OR14L1: variants seen among roughly 807,000 people sequenced by gnomAD.
The protein encoded by OR14L1 is olfactory receptor family 14 subfamily L member 1.
the OR14L1 span, among the ~76,000 whole-genome samples, chr1:247,618,325 G>A: frequency 8.2e-3 from 1,254 of 152,206 alleles, 6 homozygotes; most frequent in Middle Eastern, 0.017. Flanking sequence ...GATGAAAATA[G>A]TCTGCCCTGG....
chr1:247,619,738 GT>G, the OR14L1 span: 1 of 151,986 alleles, frequency 6.6e-6, no homozygotes, highest in East Asian at 1.9e-4. Context: ...ATTCTTCCTA[GT>G]TTACCTGGCA....
At chr1:247,619,722 T>C in the OR14L1 span, 2 of 152,194 alleles carry the variant, frequency 1.3e-5, no homozygotes, top group African/African-American at 4.8e-5. Flanking sequence ...TTGTACATGC[T>C]GCTCTATTCT....
the OR14L1 span, among the ~76,000 whole-genome samples, chr1:247,618,770 CTA>C: frequency 6.6e-6 from 1 of 152,078 alleles, no homozygotes; most frequent in Non-Finnish European, 1.5e-5. Context: ...CTGCCTTTTC[CTA>C]TGTGGCTTTC....
At chr1:247,618,162 TAG>T in the OR14L1 span, among the ~76,000 whole-genome samples, 3 of 152,158 alleles carry the variant, frequency 2.0e-5, no homozygotes, top group Non-Finnish European at 4.4e-5. Flanking sequence ...CATTTTCCAG[TAG>T]AGAGACATTC....
the OR14L1 span, chr1:247,620,275 G>A: frequency 6.6e-6 from 1 of 152,038 alleles, no homozygotes; most frequent in African/African-American, 2.4e-5. Flanking sequence ...CTCCTTTGTT[G>A]TAATTACTCT....
At chr1:247,619,691 C>T in the OR14L1 span, 5 of 151,982 alleles carry the variant, frequency 3.3e-5, no homozygotes, top group East Asian at 1.9e-4. Flanking sequence ...ATGGGATTTT[C>T]GAATTCCTGG....
chr1:247,618,791 T>C, the OR14L1 span, among the ~76,000 whole-genome samples: 1 of 152,148 alleles, frequency 6.6e-6, no homozygotes, highest in Non-Finnish European at 1.5e-5. Context: ...TCTTCAAAAA[T>C]ATCAGTCTAA....
At chr1:247,621,359 T>C in the OR14L1 span, 4 of 152,310 alleles carry the variant, frequency 2.6e-5, no homozygotes, top group East Asian at 7.7e-4. Flanking sequence ...AACTATAATA[T>C]AAATAGCATC....
At chr1:247,619,736 T>C in the OR14L1 span, 2 of 152,190 alleles carry the variant, frequency 1.3e-5, no homozygotes, top group Non-Finnish European at 2.9e-5. Flanking sequence ...CTATTCTTCC[T>C]AGTTTACCTG....
At chr1:247,617,789 A>ATGTATGTGTGTTGTG in the OR14L1 span, among the ~76,000 whole-genome samples, 1 of 149,844 alleles carries the variant, frequency 6.7e-6, no homozygotes, top group African/African-American at 2.5e-5. Flanking sequence ...AAAGTTCTGT[A>ATGTATGTGTGTTGTG]TGTGTGTGTG....
the OR14L1 span, among the ~76,000 whole-genome samples, chr1:247,618,353 T>C: frequency 7.5e-4 from 114 of 152,302 alleles, no homozygotes; most frequent in African/African-American, 2.6e-3. Context: ...GGTGGTTTCA[T>C]AGGCATATAC....
the OR14L1 span, chr1:247,620,067 G>A: frequency 1.3e-5 from 2 of 152,280 alleles, no homozygotes; most frequent in African/African-American, 4.8e-5. Context: ...TCTGTCTGAG[G>A]ATGATGGCCA....
At chr1:247,617,693 GGT>G in the OR14L1 span, among the ~76,000 whole-genome samples, 2 of 143,906 alleles carry the variant, frequency 1.4e-5, no homozygotes, top group Non-Finnish European at 3.0e-5. Flanking sequence ...AGTGGTGAAA[GGT>G]GTGTGTGTGT....
chr1:247,617,741 G>C, the OR14L1 span, among the ~76,000 whole-genome samples: 1 of 148,746 alleles, frequency 6.7e-6, no homozygotes, highest in African/African-American at 2.5e-5. Context: ...CTCGATGTAT[G>C]GTGGGATTGG....
chr1:247,618,401 A>G, the OR14L1 span, among the ~76,000 whole-genome samples: 2 of 152,180 alleles, frequency 1.3e-5, no homozygotes, highest in Non-Finnish European at 2.9e-5. Flanking sequence ...CTTTAAATTG[A>G]TACAGTTTAC....
chr1:247,617,620 A>C, the OR14L1 span, among the ~76,000 whole-genome samples: 1 of 152,166 alleles, frequency 6.6e-6, no homozygotes, highest in East Asian at 1.9e-4. Flanking sequence ...GTAAAAGAAA[A>C]GAGGGAGTAG....
the OR14L1 span, among the ~76,000 whole-genome samples, chr1:247,617,851 A>T: frequency 1.3e-5 from 2 of 152,082 alleles, no homozygotes; most frequent in Admixed American, 6.6e-5. Flanking sequence ...ACTGAATTTT[A>T]AAAAATTCAT....
chr1:247,618,794 C>T, the OR14L1 span, among the ~76,000 whole-genome samples: 1 of 152,080 alleles, frequency 6.6e-6, no homozygotes, highest in Non-Finnish European at 1.5e-5. Flanking sequence ...TCAAAAATAT[C>T]AGTCTAAAAA....
the OR14L1 span, chr1:247,619,702 G>A: frequency 6.6e-6 from 1 of 152,048 alleles, no homozygotes; most frequent in South Asian, 2.1e-4. Flanking sequence ...GAATTCCTGG[G>A]ATATTCAGAT....
Sources: gnomAD v4.1 joint callset for allele counts (sites outside exome capture counted in the v4.1 genomes callset) on GRCh38, gnomAD v4.1.1 for gene constraint, MANE v1.5 for transcripts, NCBI Gene and HGNC (gene_info 2026-07-23, HGNC 2026-07-21) for gene names.